Variants in DAPK1 observed in about 807,000 individuals in gnomAD.
DAPK1 encodes death-associated protein kinase 1.
Under a neutral mutation model 144.9 loss-of-function variants are expected in DAPK1, and 56 were observed. The ratio of observed to expected loss-of-function variants is 0.39; its 90% CI spans 0.31 to 0.48. DAPK1 has a LOEUF of 0.48. Ranked by LOEUF, DAPK1 falls within the 20% of genes least tolerant of loss-of-function variation. DAPK1 has a pLI of 0.95. For missense variants in DAPK1, 1,454 were observed against 1,875.4 expected (o/e 0.78, Z 4.15); for synonymous variants, 690 against 749.0 (o/e 0.92, Z 1.29).
chr9:87,639,665 A>C lies in DAPK1; in HGVS notation c.569A>C (p.Asn190Thr). 3 of 1,614,144 alleles carry C rather than the reference A, an allele frequency of 1.9e-6. No homozygotes were observed. The highest frequency in any genetic ancestry group is 2.5e-6 in the Non-Finnish European group (3 of 1,180,016). The change falls in exon 6 of 26, where the codon AAC (asparagine) becomes ACC (threonine). Residue 190 changes from asparagine to threonine, a missense_variant. By Grantham distance (65) the Asn-to-Thr change is moderately conservative. Coordinates refer to ENST00000408954, the MANE Select transcript of DAPK1 (RefSeq NM_004938.4). ...TTCCTCTTAGCTCCTGAGATAGTCA[A>C]CTATGAACCTCTTGGTCTTGAGGCA... ...TPEFVAPEIVNYEPLGLEADM... is the reference protein window; with the variant it reads ...TPEFVAPEIVTYEPLGLEADM...
chr9:87,557,640 TA>T (rs1826766925), intron 2 of DAPK1, among the ~76,000 whole-genome samples: 1 of 152,200 alleles, frequency 6.6e-6, no homozygotes, highest in Admixed American at 6.5e-5. Context: ...TGTTGGATTT[TA>T]AAAAATACCT....
intron 2 of DAPK1, among the ~76,000 whole-genome samples, chr9:87,537,179 G>T (rs1825887923): frequency 6.6e-6 from 1 of 151,994 alleles, no homozygotes; most frequent in South Asian, 2.1e-4. Context: ...GTAGAGCCAG[G>T]GTTTCACTAT....
intron 2 of DAPK1, among the ~76,000 whole-genome samples, chr9:87,601,361 C>G (rs1212905294): frequency 6.6e-6 from 1 of 152,232 alleles, no homozygotes; most frequent in Non-Finnish European, 1.5e-5. Context: ...GCTTGTGACT[C>G]TGAGCTCCCA....
At chr9:87,703,303 G>C in intron 25 of DAPK1, 86 bp downstream of exon 25, 1 of 728,790 alleles carries the variant, frequency 1.4e-6, no homozygotes, top group African/African-American at 1.7e-5. Flanking sequence ...GAAGTGGTGT[G>C]AGCCTGGGGA....
chr9:87,657,234 T>C (rs760680220), intron 17 of DAPK1, among the ~76,000 whole-genome samples: 1 of 152,168 alleles, frequency 6.6e-6, no homozygotes, highest in Non-Finnish European at 1.5e-5. Flanking sequence ...ATAATACACA[T>C]AAACGGAAAG....
At chr9:87,649,789 A>G (rs903870040) in intron 15 of DAPK1, 132 bp from the exon 16 acceptor site, 15 of 789,356 alleles carry the variant, frequency 1.9e-5, no homozygotes, top group Non-Finnish European at 3.1e-5. Flanking sequence ...TTTCACTCCA[A>G]TACCTATGAG....
At chr9:87,568,998 G>A (rs965688716) in intron 2 of DAPK1, among the ~76,000 whole-genome samples, 1 of 152,210 alleles carries the variant, frequency 6.6e-6, no homozygotes, top group East Asian at 1.9e-4. Flanking sequence ...TACTGGAGGT[G>A]TGGGGCGAGG....
intron 18 of DAPK1, among the ~76,000 whole-genome samples, chr9:87,664,588 G>A (rs547280303): frequency 3.2e-4 from 48 of 152,272 alleles, no homozygotes; most frequent in African/African-American, 8.9e-4. Flanking sequence ...TAGTCCCTTC[G>A]CCTTCCTTGC....
chr9:87,617,034 A>G (rs1004321242), intron 3 of DAPK1, among the ~76,000 whole-genome samples: 1 of 152,198 alleles, frequency 6.6e-6, no homozygotes, highest in Non-Finnish European at 1.5e-5. Context: ...TCTAGTCCAG[A>G]TGACACTTCA....
In DAPK1 at chr9:87,642,130, T is replaced by A. The variant is rs529654079; in HGVS notation, c.918+72T>A. The stretch of plus-strand genomic sequence containing the variant: ...TAGAGTAGTGTGTGGTCAGGGTGCA[T>A]CTCCTCTGATACTGGTAATATGGAA... On this transcript the variant is annotated intron_variant, in intron 10 of 25. Coordinates refer to ENST00000408954, the MANE Select transcript of DAPK1 (RefSeq NM_004938.4). 13 of 1,172,574 alleles carry A rather than the reference T, an allele frequency of 1.1e-5. No individual in the cohort carries two copies. The African/African-American group carries it at 1.8e-4, about 17-fold the overall frequency. The allele number at this position is 1,172,574 out of a possible 1,614,324, so 72.6% of individuals were successfully genotyped here.
At chr9:87,546,159 T>G (rs1167297428) in intron 2 of DAPK1, among the ~76,000 whole-genome samples, 3 of 152,080 alleles carry the variant, frequency 2.0e-5, no homozygotes, top group Non-Finnish European at 4.4e-5. Flanking sequence ...GTAGGTTTTA[T>G]TCAGATATGG....
intron 2 of DAPK1, among the ~76,000 whole-genome samples, chr9:87,530,638 C>T (rs533544556): frequency 2.0e-5 from 3 of 152,254 alleles, no homozygotes; most frequent in African/African-American, 7.2e-5. Context: ...GAAGTTAGTT[C>T]TTTAAAAAGA....
At chr9:87,590,673 T>C (rs1168873300) in intron 2 of DAPK1, among the ~76,000 whole-genome samples, 1 of 152,168 alleles carries the variant, frequency 6.6e-6, no homozygotes, top group Non-Finnish European at 1.5e-5. Flanking sequence ...CTGTGGCCTG[T>C]AGCACCCGGG....
At chr9:87,622,538 GA>G (rs373480646) in intron 3 of DAPK1, among the ~76,000 whole-genome samples, 1 of 151,442 alleles carries the variant, frequency 6.6e-6, no homozygotes, top group Non-Finnish European at 1.5e-5. Context: ...GGGAAGAGAG[GA>G]AAAAAAAAGA....
In DAPK1 at chr9:87,639,771, G is replaced by A; in HGVS notation, c.603-18G>A. On this transcript the variant is annotated intron_variant, in intron 6 of 25. Coordinates refer to ENST00000408954, the MANE Select transcript of DAPK1 (RefSeq NM_004938.4). ...ATTCTTCTGACATGTTTTTTTGTTT[G>A]TTTTGTGTTGTTTTTAGGAGTATCG... 2 of 1,613,452 alleles carry A rather than the reference G, an allele frequency of 1.2e-6. No homozygotes were observed. The highest frequency in any genetic ancestry group is 1.7e-6 in the Non-Finnish European group (2 of 1,179,562).
chr9:87,604,251 G>T (rs1315440791), intron 2 of DAPK1, among the ~76,000 whole-genome samples: 2 of 152,080 alleles, frequency 1.3e-5, no homozygotes, highest in Non-Finnish European at 2.9e-5. Context: ...GGTCTTACTT[G>T]GCATTGTGGT....
chr9:87,638,777 G>T (rs1829988738), intron 4 of DAPK1, among the ~76,000 whole-genome samples: 1 of 152,190 alleles, frequency 6.6e-6, no homozygotes, highest in African/African-American at 2.4e-5. Context: ...TTCTGTAGCA[G>T]AGCTGTCAAT....
chr9:87,638,961 G>A (rs1451572501), intron 4 of DAPK1, among the ~76,000 whole-genome samples: 1 of 152,230 alleles, frequency 6.6e-6, no homozygotes, highest in African/African-American at 2.4e-5. Context: ...GTCAGCCATG[G>A]AGGATGGAGA....
At chr9:87,510,443 C>T (rs1166039197) in intron 2 of DAPK1, among the ~76,000 whole-genome samples, 1 of 152,184 alleles carries the variant, frequency 6.6e-6, no homozygotes, top group Non-Finnish European at 1.5e-5. Context: ...TGCGAAATGG[C>T]CCAGCCGGTT....
Sources: allele counts gnomAD v4.1 joint callset (sites outside exome capture counted in the v4.1 genomes callset), GRCh38; gene constraint gnomAD v4.1.1; transcripts MANE v1.5; gene names NCBI Gene and HGNC (gene_info 2026-07-23, HGNC 2026-07-21).